The following CXorf58 variants were observed in gnomAD, a reference collection of about 807,000 sequenced individuals.
CXorf58 encodes the protein uncharacterized protein CXorf58.
A neutral mutation model predicts 26.0 loss-of-function variants in CXorf58; 24 were observed. The ratio of observed to expected loss-of-function variants is 0.92; its 90% CI spans 0.67 to 1.30. The LOEUF is 1.30. CXorf58 is among the 50% of genes most tolerant of loss of function. The probability of loss-of-function intolerance (pLI) is 0.00; values close to 1 mark genes in which losing one functional copy is unlikely to be tolerated. For synonymous variants in CXorf58, 87 were observed against 86.1 expected (o/e 1.01, Z -0.06); for missense variants, 236 against 263.9 (o/e 0.89, Z 0.73).
chrX:23,939,303 A>C lies in CXorf58; in HGVS notation c.999A>C (p.Ter333CysextTer5). Residue 333 changes from the stop codon to cysteine (C), a stop_lost, in exon 9 of 9, where the codon TGA becomes TGC. Coordinates refer to ENST00000379211, the MANE Select transcript of CXorf58 (RefSeq NM_152761.3). ...ACTATCATCTCCACTCCATCTTTTG[A>C]CATTGTGAAAACTAAGGAATCTATG... ...KDNYHLHSIF[*>C] 8.5e-7 allele frequency: 1 copy of C among 1,171,656 alleles called. No homozygotes were observed. The highest frequency in any genetic ancestry group is 1.2e-6 in the Non-Finnish European group (1 of 866,726).
intron 7 of CXorf58, among the ~76,000 whole-genome samples, chrX:23,937,015 A>C (rs1462798214): frequency 8.9e-6 from 1 of 112,561 alleles, no homozygotes; most frequent in Non-Finnish European, 1.9e-5. Flanking sequence ...CCAAATAATT[A>C]GCCAAATTAT....
chrX:23,922,907 G>A (rs1927906741), intron 5 of CXorf58, among the ~76,000 whole-genome samples: 1 of 111,945 alleles, frequency 8.9e-6, no homozygotes, highest in African/African-American at 3.2e-5. Flanking sequence ...CAGAGCTGTG[G>A]GGGCTTCTGG....
intron 5 of CXorf58, among the ~76,000 whole-genome samples, chrX:23,917,426 A>C (rs768744342): frequency 5.5e-5 from 6 of 108,360 alleles, no homozygotes; most frequent in Non-Finnish European, 9.6e-5. Context: ...TTATTTCTTT[A>C]TTTATTTTGA....
intron 5 of CXorf58, among the ~76,000 whole-genome samples, chrX:23,917,998 G>A (rs1385699655): frequency 2.7e-5 from 3 of 110,868 alleles, no homozygotes; most frequent in Non-Finnish European, 3.8e-5. Context: ...CCGCCACCAC[G>A]CCCGGCTAAT....
intron 2 of CXorf58, among the ~76,000 whole-genome samples, chrX:23,911,146 AC>A (rs1442013205): frequency 5.4e-5 from 6 of 110,734 alleles, no homozygotes; most frequent in Admixed American, 9.7e-5. Flanking sequence ...CTGTCTTTGT[AC>A]ATAGCGCTGT....
At chrX:23,933,713 A>AC (rs1928221954) in intron 6 of CXorf58, among the ~76,000 whole-genome samples, 2 of 111,026 alleles carry the variant, frequency 1.8e-5, no homozygotes, top group East Asian at 5.7e-4. Context: ...ACATGGTGAA[A>AC]CCCCATCTCT....
intron 3 of CXorf58, among the ~76,000 whole-genome samples, chrX:23,915,265 T>G (rs1264394530): frequency 8.9e-6 from 1 of 112,278 alleles, no homozygotes; most frequent in African/African-American, 3.2e-5. Flanking sequence ...ACTATTATCA[T>G]CCTCATCTTA....
chrX:23,913,347 ATT>A (rs75780936), intron 3 of CXorf58, among the ~76,000 whole-genome samples: 1 of 101,147 alleles, frequency 9.9e-6, no homozygotes. Flanking sequence ...TGCCCAGCTA[ATT>A]TTTTTTTTTT....
At chrX:23,930,464 C>G (rs1316669402) in intron 6 of CXorf58, among the ~76,000 whole-genome samples, 2 of 107,812 alleles carry the variant, frequency 1.9e-5, no homozygotes, top group African/African-American at 6.7e-5. Flanking sequence ...CCTGTCTCTA[C>G]AAAAATTACC....
chrX:23,914,736 T>C (rs1927675273), intron 3 of CXorf58, among the ~76,000 whole-genome samples: 1 of 110,227 alleles, frequency 9.1e-6, no homozygotes. Context: ...AAATACAAAA[T>C]TAGCCAGGCA....
chrX:23,922,827 C>G (rs762861296), intron 5 of CXorf58, among the ~76,000 whole-genome samples: 1 of 112,411 alleles, frequency 8.9e-6, no homozygotes, highest in South Asian at 3.7e-4. Flanking sequence ...CCAGTAGAAA[C>G]AGGAAAGTGT....
At chrX:23,930,015 G>A (rs908569004) in intron 6 of CXorf58, among the ~76,000 whole-genome samples, 3 of 108,782 alleles carry the variant, frequency 2.8e-5, no homozygotes, top group African/African-American at 6.7e-5. Flanking sequence ...GGCTAACACC[G>A]TGAAACCCCG....
intron 6 of CXorf58, among the ~76,000 whole-genome samples, chrX:23,932,925 G>A (rs1928197024): frequency 9.0e-6 from 1 of 111,083 alleles, no homozygotes; most frequent in Non-Finnish European, 1.9e-5. Flanking sequence ...AACCCAGGAG[G>A]TGGAGGTTGC....
chrX:23,911,953 CTT>C (rs746350773), intron 3 of CXorf58, 97 bp downstream of exon 3: 7,627 of 421,285 alleles, frequency 0.018, no homozygotes, highest in East Asian at 0.039. Context: ...TTTATCTCCT[CTT>C]TTTTTTTTTT....
chrX:23,930,758 G>A (rs1168436082), intron 6 of CXorf58, among the ~76,000 whole-genome samples: 1 of 111,374 alleles, frequency 9.0e-6, no homozygotes, highest in Non-Finnish European at 1.9e-5. Context: ...TAGCAATAAA[G>A]TATTTTTTTT....
At chrX:23,933,259 G>C (rs1928210228) in intron 6 of CXorf58, among the ~76,000 whole-genome samples, 1 of 111,214 alleles carries the variant, frequency 9.0e-6, no homozygotes, top group South Asian at 3.8e-4. Context: ...GTGCATCTGT[G>C]TGTGTGTGTT....
intron 7 of CXorf58, among the ~76,000 whole-genome samples, chrX:23,937,401 G>GCTTTT (rs1472426040): frequency 1.9e-5 from 2 of 107,823 alleles, no homozygotes; most frequent in African/African-American, 3.4e-5. Flanking sequence ...ACATGGGCTT[G>GCTTTT]CTTTTCTTTT....
chrX:23,935,087 A>G (rs916118677), intron 6 of CXorf58, 109 bp from the exon 7 acceptor site: 9 of 543,846 alleles, frequency 1.7e-5, no homozygotes, highest in Middle Eastern at 4.0e-4. Context: ...CTGGTCTACG[A>G]ACTCCTGACC....
At position 23,908,173 on chromosome X, in the gene CXorf58, T is replaced by G. The variant is rs776006701; in HGVS notation, c.-177T>G. The G allele has an allele frequency of 8.6e-6, 1 of 115,668 alleles. No homozygotes were observed. The highest frequency in any genetic ancestry group is 3.4e-4 in the South Asian group (1 of 2,907). 9.5% of individuals were successfully genotyped at this position (115,668 alleles called of 1,213,427 possible). Reference sequence around the variant, plus strand: ...AGGGCCACCGGCGGCTTCGAAAGCTTCGCAGCCGGAAGCCGCCGGTTGGCG... The same window carrying G: ...AGGGCCACCGGCGGCTTCGAAAGCTGCGCAGCCGGAAGCCGCCGGTTGGCG... On this transcript the variant is annotated 5_prime_UTR_variant, in exon 1 of 9. Transcript: ENST00000379211.
Sources: gnomAD v4.1 joint callset for allele counts (sites outside exome capture counted in the v4.1 genomes callset) on GRCh38, gnomAD v4.1.1 for gene constraint, MANE v1.5 for transcripts, NCBI Gene and HGNC (gene_info 2026-07-23, HGNC 2026-07-21) for gene names.